The following CUL4B variants were observed in gnomAD, a reference collection of about 807,000 sequenced individuals.
CUL4B encodes the protein cullin 4B, also known as cullin-4B.
CUL4B carries 1 observed loss-of-function variant against 69.2 expected under a neutral mutation model. That is an observed-to-expected ratio of 0.01 (90% confidence interval 0.01 to 0.07). The LOEUF (loss-of-function observed/expected upper bound fraction) is 0.07, where lower values mean the gene tolerates loss of function less well. Ranked by LOEUF, CUL4B falls within the 10% of genes least tolerant of loss-of-function variation. CUL4B has a pLI of 1.00. For synonymous variants in CUL4B, 237 were observed against 223.2 expected, an observed-to-expected ratio of 1.06 and a Z score of -0.55; for missense variants, 328 against 638.8, an observed-to-expected ratio of 0.51 and a Z score of 5.24.
chrX:120,550,791 T>C (rs2147341097), intron 2 of CUL4B, among the ~76,000 whole-genome samples: 1 of 111,936 alleles, frequency 8.9e-6, no homozygotes, highest in African/African-American at 3.2e-5. Flanking sequence ...CAACCTTCCA[T>C]CAAGCTTTTC....
intron 18 of CUL4B, among the ~76,000 whole-genome samples, chrX:120,532,080 G>A (rs184575385): frequency 9.0e-6 from 1 of 111,614 alleles, no homozygotes; most frequent in East Asian, 2.8e-4. Flanking sequence ...GAATTTAATT[G>A]CCCCAAAATG....
chrX:120,537,270 C>T (rs750725474), intron 14 of CUL4B, among the ~76,000 whole-genome samples: 5 of 112,008 alleles, frequency 4.5e-5, no homozygotes, highest in African/African-American at 1.6e-4. Flanking sequence ...TCATTACAGG[C>T]GTTATCAACT....
chrX:120,548,999 C>T (rs894346063), intron 2 of CUL4B, among the ~76,000 whole-genome samples: 1 of 111,910 alleles, frequency 8.9e-6, no homozygotes. Flanking sequence ...TCCTGTTATG[C>T]ATATATAAAA....
Position 120,542,012 on chromosome X carries a change from T to C in CUL4B, c.1325-292A>G, listed in dbSNP as rs147036781. 0.03 allele frequency among the ~76,000 whole-genome samples: 3,334 copies of C among 110,818 alleles called. 57 individuals carry two copies. The highest frequency in any genetic ancestry group is 0.052 in the Middle Eastern group (11 of 211). On this transcript the variant is annotated intron_variant, in intron 9 of 19. Transcript: ENST00000371322. Reference sequence around the variant, plus strand: ...GGGAGGCTGAGGCAGGAGGATCAATTGAAGCCAGGAGGTCAAGACCAGCCT... The same window carrying C: ...GGGAGGCTGAGGCAGGAGGATCAATCGAAGCCAGGAGGTCAAGACCAGCCT...
chrX:120,556,156 G>A (rs191490370), intron 2 of CUL4B, among the ~76,000 whole-genome samples: 9 of 110,794 alleles, frequency 8.1e-5, no homozygotes, highest in East Asian at 2.8e-4. Context: ...TTTAAGAGAC[G>A]CATATATAAT....
Position 120,540,582 on chromosome X carries a change from CT to C in CUL4B, c.1444-21del. 1 of 1,092,045 alleles carries C rather than the reference CT, an allele frequency of 9.2e-7. No individual in the cohort carries two copies. Among genetic ancestry groups the C allele is most frequent in the Non-Finnish European group, 1.3e-6 (1 of 789,855 alleles). 90.0% of individuals were successfully genotyped at this position (1,092,045 alleles called of 1,213,427 possible). A position where few individuals can be genotyped will look rare whatever the true frequency, so the allele number is the denominator to read the frequency against. On this transcript the variant is annotated intron_variant, in intron 10 of 19. Transcript: ENST00000371322. ...AAATGCCTAAAACAAAAAATTACCACTTTTTACTGTAATCGAATTGTCTACA... is the reference window on the plus strand; with the variant it reads ...AAATGCCTAAAACAAAAAATTACCACTTTTACTGTAATCGAATTGTCTACA...
At chrX:120,571,945 T>C (rs1341005068) in exon 3 of CUL4B, 4 of 110,211 alleles carry the variant, frequency 3.6e-5, no homozygotes, top group Non-Finnish European at 5.7e-5. Flanking sequence ...GCCAGTTCCC[T>C]GCAGATACGT....
chrX:120,537,215 A>G (rs1206937788), intron 14 of CUL4B, among the ~76,000 whole-genome samples, 181 bp from the exon 15 acceptor site: 1 of 112,656 alleles, frequency 8.9e-6, no homozygotes, highest in South Asian at 3.6e-4. Context: ...AGGCAAGTAC[A>G]GAGGTTAACA....
Position 120,534,603 on chromosome X carries a change from A to C in CUL4B, c.2161-17T>G. On this transcript the variant is annotated splice_polypyrimidine_tract_variant and intron_variant, in intron 16 of 19. Transcript: ENST00000371322. ...CTTTTTACCCTGTTGAAGAAATAAA[A>C]GTGTTTAGTCATCACTTTTTTAAAA... 9.4e-7 allele frequency: 1 copy of C among 1,066,943 alleles called. No individual in the cohort carries two copies. The highest frequency in any genetic ancestry group is 2.5e-4 in the Middle Eastern group (1 of 4,032). The allele number at this position is 1,066,943 out of a possible 1,213,427, so 87.9% of individuals were successfully genotyped here. A position where few individuals can be genotyped will look rare whatever the true frequency, so the allele number is the denominator to read the frequency against.
chrX:120,563,620 G>A (rs2147353455), upstream of CUL4B, among the ~76,000 whole-genome samples: 1 of 112,130 alleles, frequency 8.9e-6, no homozygotes, highest in East Asian at 2.8e-4. Flanking sequence ...ACAAAATGCT[G>A]AACCACTGTA....
At chrX:120,550,081 A>G (rs1369027707) in intron 2 of CUL4B, among the ~76,000 whole-genome samples, 1 of 111,554 alleles carries the variant, frequency 9.0e-6, no homozygotes, top group Non-Finnish European at 1.9e-5. Context: ...ACTTCTTCCA[A>G]TAAGTTCTTC....
intron 17 of CUL4B, among the ~76,000 whole-genome samples, chrX:120,534,069 G>C (rs1244880659): frequency 1.2e-4 from 13 of 107,526 alleles, no homozygotes; most frequent in East Asian, 8.8e-4. Flanking sequence ...CCGTCTTGAG[G>C]GGAAAAAAAA....
At chrX:120,539,407 G>A (rs1362834685) in intron 11 of CUL4B, 35 bp from the exon 12 acceptor site, 5 of 891,542 alleles carry the variant, frequency 5.6e-6, no homozygotes, top group Admixed American at 4.7e-5. Flanking sequence ...TTTAATAACC[G>A]GGGAATACAC....
intron 18 of CUL4B, 121 bp downstream of exon 18, chrX:120,532,301 C>T: frequency 1.8e-6 from 1 of 566,665 alleles, no homozygotes. Flanking sequence ...TTTAGCTGGA[C>T]ATAGACACAA....
chrX:120,561,517 C>T, upstream of CUL4B: 1 of 177,510 alleles, frequency 5.6e-6, no homozygotes, highest in South Asian at 6.9e-5. Context: ...TTCGAGACAC[C>T]TTCGGAGCTC....
At chrX:120,544,425 G>T in intron 6 of CUL4B, 56 bp downstream of exon 6, 1 of 1,146,190 alleles carries the variant, frequency 8.7e-7, no homozygotes, top group Non-Finnish European at 1.2e-6. Context: ...GATGTGGGGG[G>T]AAAAAAAACT....
intron 2 of CUL4B, among the ~76,000 whole-genome samples, chrX:120,572,699 T>C (rs1044259823): frequency 2.2e-4 from 25 of 111,456 alleles, no homozygotes; most frequent in African/African-American, 8.1e-4. Flanking sequence ...TGTGACTTTA[T>C]TTTTTGCTTA....
At chrX:120,552,017 T>G (rs939551780) in intron 2 of CUL4B, among the ~76,000 whole-genome samples, 1 of 112,271 alleles carries the variant, frequency 8.9e-6, no homozygotes, top group Admixed American at 9.4e-5. Flanking sequence ...CTTTTACAAA[T>G]ATATTCTTTT....
intron 2 of CUL4B, among the ~76,000 whole-genome samples, chrX:120,573,156 T>C (rs1925764725): frequency 1.8e-5 from 2 of 111,848 alleles, no homozygotes; most frequent in Non-Finnish European, 3.8e-5. Flanking sequence ...TATGTACATA[T>C]ATACTTGTAT....
Sources: allele counts gnomAD v4.1 joint callset (sites outside exome capture counted in the v4.1 genomes callset), GRCh38; gene constraint gnomAD v4.1.1; transcripts MANE v1.5; gene names NCBI Gene and HGNC (gene_info 2026-07-23, HGNC 2026-07-21).